The following RNF149 variants were observed in gnomAD, a reference collection of about 807,000 sequenced individuals.
The protein encoded by RNF149 is E3 ubiquitin-protein ligase RNF149.
A neutral mutation model predicts 39.0 loss-of-function variants in RNF149; 21 were observed. The observed-to-expected ratio is 0.54, with a 90% CI of 0.38 to 0.77. RNF149 has a LOEUF of 0.77. Ranked by LOEUF, RNF149 falls within the 30% of genes least tolerant of loss-of-function variation. RNF149 has a pLI of 0.00. For missense variants in RNF149, 493 were observed against 534.9 expected (o/e 0.92, Z 0.77); for synonymous variants, 209 against 213.6 (o/e 0.98, Z 0.19).
chr2:101,274,960 ATTTT>A (rs1164010619), downstream of RNF149, among the ~76,000 whole-genome samples: 1 of 131,352 alleles, frequency 7.6e-6, no homozygotes, highest in Admixed American at 7.8e-5. Context: ...CTAATTTTGT[ATTTT>A]TTTTTTTTTA....
chr2:101,274,401 C>G (rs1558773536), downstream of RNF149, among the ~76,000 whole-genome samples: 1 of 152,334 alleles, frequency 6.6e-6, no homozygotes, highest in African/African-American at 2.4e-5. Context: ...GTGAAGTCAC[C>G]ACTCTGACAC....
intron 6 of RNF149, among the ~76,000 whole-genome samples, chr2:101,277,715 A>T (rs1231776285): frequency 1.3e-5 from 2 of 152,188 alleles, no homozygotes; most frequent in Non-Finnish European, 2.9e-5. Context: ...TAAAACATAC[A>T]TGGAAAACTG....
intron 4 of RNF149, among the ~76,000 whole-genome samples, chr2:101,287,466 GA>G (rs1437508204): frequency 6.6e-6 from 1 of 152,218 alleles, no homozygotes; most frequent in Non-Finnish European, 1.5e-5. Context: ...AGGAGACCAC[GA>G]AATGTGCACA....
Position 101,281,885 on chromosome 2 carries a change from T to A in RNF149, c.1133A>T (p.Asp378Val), listed in dbSNP as rs1321162543. The A allele has an allele frequency of 6.8e-6, 11 of 1,614,052 alleles. No homozygotes were observed. The South Asian group carries it at 1.1e-4, about 16-fold the overall frequency. ...EPQCDPSFKG[D>V]AGENTALLEA... is the part of the protein sequence containing the mutation. ...TAGCAATGCCGTATTTTCTCCTGCATCTCCTTTAAAGCTGGGATCACACTG... is the reference window on the plus strand; with the variant it reads ...TAGCAATGCCGTATTTTCTCCTGCAACTCCTTTAAAGCTGGGATCACACTG... The change falls in exon 6 of 7, where the codon GAT (aspartate) becomes GTT (valine). Residue 378 changes from aspartate to valine, a missense_variant. By Grantham distance (152) the Asp-to-Val change is radical. Transcript: ENST00000295317.
At chr2:101,293,979 A>T (rs1683118979) in intron 3 of RNF149, 35 bp downstream of exon 3, 2 of 1,286,080 alleles carry the variant, frequency 1.6e-6, no homozygotes, top group African/African-American at 3.0e-5. Context: ...TCTACTCTAA[A>T]CCACAAAACA....
intron 1 of RNF149, 89 bp from the exon 2 acceptor site, chr2:101,295,270 T>C: frequency 9.0e-7 from 1 of 1,108,986 alleles, no homozygotes. Context: ...TATGTTCATC[T>C]ACATATATAA....
In RNF149 at chr2:101,277,107, A is replaced by T; in HGVS notation, c.*131T>A. On this transcript the variant is annotated 3_prime_UTR_variant, in exon 7 of 7. Transcript: ENST00000295317. ...AAATATCTTAGTCCTTTGTATATCA[A>T]ATCAGAATCTAATAGGTAAAATAAT... 2 of 1,442,260 alleles carry T rather than the reference A, an allele frequency of 1.4e-6. No individual in the cohort carries two copies. The highest frequency in any genetic ancestry group is 1.9e-6 in the Non-Finnish European group (2 of 1,075,306). The allele number at this position is 1,442,260 out of a possible 1,614,324, so 89.3% of individuals were successfully genotyped here. A position where few individuals can be genotyped will look rare whatever the true frequency, so the allele number is the denominator to read the frequency against.
At chr2:101,281,570 T>C (rs1307806028) in intron 6 of RNF149, 5 of 360,610 alleles carry the variant, frequency 1.4e-5, no homozygotes, top group Non-Finnish European at 2.1e-5. Flanking sequence ...GACAGGATCA[T>C]AGCTCACTGC....
At chr2:101,295,516 C>T (rs547145408) in intron 1 of RNF149, among the ~76,000 whole-genome samples, 8 of 152,004 alleles carry the variant, frequency 5.3e-5, no homozygotes, top group African/African-American at 1.7e-4. Flanking sequence ...AAAAAATTAG[C>T]CAGGTGTGGT....
chr2:101,305,290 C>A (rs76264468), intron 1 of RNF149, among the ~76,000 whole-genome samples: 2,370 of 152,220 alleles, frequency 0.016, 63 homozygotes, highest in South Asian at 0.018. Context: ...GTCTTCAAGG[C>A]TGTCTGTACA....
At chr2:101,300,543 T>G (rs1328755562) in intron 1 of RNF149, among the ~76,000 whole-genome samples, 1 of 152,180 alleles carries the variant, frequency 6.6e-6, no homozygotes, top group Admixed American at 6.5e-5. Flanking sequence ...CTGGGTGCAG[T>G]GGGTCATGCC....
chr2:101,271,501 A>C (rs1682126712), downstream of RNF149: 1 of 151,194 alleles, frequency 6.6e-6, no homozygotes, highest in African/African-American at 2.4e-5. Flanking sequence ...AGGGTGTGGC[A>C]TGCACCTGTA....
downstream of RNF149, chr2:101,273,387 C>T (rs1363403233): frequency 2.1e-6 from 1 of 470,052 alleles, no homozygotes; most frequent in African/African-American, 2.0e-5. Context: ...AATAATATAA[C>T]AATGAAACCT....
At chr2:101,290,515 AAT>A (rs1682966296) in intron 3 of RNF149, among the ~76,000 whole-genome samples, 1 of 152,240 alleles carries the variant, frequency 6.6e-6, no homozygotes, top group Non-Finnish European at 1.5e-5. Flanking sequence ...TATATTATAA[AAT>A]AAACTATTTT....
chr2:101,286,212 A>G, intron 4 of RNF149, 35 bp from the exon 5 acceptor site: 2 of 1,204,574 alleles, frequency 1.7e-6, no homozygotes, highest in Non-Finnish European at 2.5e-6. Flanking sequence ...TGTTTTTAAA[A>G]TCAATGTTTA....
chr2:101,274,334 G>C (rs563561354), downstream of RNF149, among the ~76,000 whole-genome samples: 1 of 152,320 alleles, frequency 6.6e-6, no homozygotes, highest in African/African-American at 2.4e-5. Flanking sequence ...TCAGGATGAA[G>C]TTCTTGTCAT....
At position 101,275,774 on chromosome 2, in the gene RNF149, A is replaced by G. The variant is rs1391977580; in HGVS notation, c.*1464T>C. 1.0e-6 allele frequency: 1 copy of G among 980,886 alleles called. No individual in the cohort carries two copies. The highest frequency in any genetic ancestry group is 1.2e-6 in the Non-Finnish European group (1 of 825,876). The allele number at this position is 980,886 out of a possible 1,614,324, so 60.8% of individuals were successfully genotyped here. A position where few individuals can be genotyped will look rare whatever the true frequency, so the allele number is the denominator to read the frequency against. ...ATTTCTTAAAGACAAAGAGCAAACA[A>G]TCTACTTGCTACAGAATCAGGATGT... On this transcript the variant is annotated 3_prime_UTR_variant, in exon 7 of 7. Coordinates refer to ENST00000295317, the MANE Select transcript of RNF149 (RefSeq NM_173647.4).
At chr2:101,279,342 G>C (rs1371492906) in intron 6 of RNF149, among the ~76,000 whole-genome samples, 1 of 152,136 alleles carries the variant, frequency 6.6e-6, no homozygotes, top group Admixed American at 6.5e-5. Context: ...AGTTCTAAGA[G>C]GGTATTTCAG....
chr2:101,271,967 T>C (rs1682147642), downstream of RNF149, among the ~76,000 whole-genome samples: 1 of 152,236 alleles, frequency 6.6e-6, no homozygotes, highest in Admixed American at 6.5e-5. Context: ...GGGAGAATGA[T>C]GGTCACATGT....
Sources: allele counts gnomAD v4.1 joint callset (sites outside exome capture counted in the v4.1 genomes callset), GRCh38; gene constraint gnomAD v4.1.1; transcripts MANE v1.5; gene names NCBI Gene and HGNC (gene_info 2026-07-23, HGNC 2026-07-21).